KAZN: variants seen among roughly 807,000 people sequenced by gnomAD.
The protein encoded by KAZN is kazrin.
In KAZN, 40 loss-of-function variants were observed where a neutral mutation model predicts 87.4. That is an observed-to-expected ratio of 0.46 (90% confidence interval 0.36 to 0.60). KAZN has a LOEUF of 0.60. KAZN is among the 20% of genes least tolerant of loss of function. The pLI is 0.00. For synonymous variants in KAZN, 466 were observed against 458.3 expected (o/e 1.02, Z -0.22); for missense variants, 898 against 1,073.9 (o/e 0.84, Z 2.29).
intron 1 of KAZN, among the ~76,000 whole-genome samples, chr1:14,728,084 G>A (rs966484000): frequency 4.6e-5 from 7 of 151,604 alleles, no homozygotes; most frequent in Middle Eastern, 3.2e-3. Flanking sequence ...TCAGGAGTTC[G>A]AGACCAGCCT....
chr1:14,014,086 A>G (rs1640450067), intron 1 of KAZN, among the ~76,000 whole-genome samples: 2 of 151,630 alleles, frequency 1.3e-5, no homozygotes, highest in Non-Finnish European at 1.5e-5. Context: ...TAATTTTTCT[A>G]TTTCTTTCTC....
chr1:14,972,790 C>T lies in KAZN; in HGVS notation c.418+11915C>T, dbSNP rs562031907. ...GTGGCCTCCCAAAGTGCTGGGATTA[C>T]AGGCGGGAGCCGCTGTGCCTGGCCG... is the stretch of plus-strand genomic sequence containing the variant. On this transcript the variant is annotated intron_variant, in intron 2 of 14. Transcript: ENST00000376030. Among the ~76,000 whole-genome samples, 9 of 152,248 alleles carry T rather than the reference C, an allele frequency of 5.9e-5. No homozygotes were observed. In the South Asian group the frequency reaches 1.9e-3, roughly 32 times the overall value.
In KAZN at chr1:14,688,364, T is replaced by C. The variant is rs183077146; in HGVS notation, c.226+89141T>C. Among the ~76,000 whole-genome samples, 862 of 152,330 alleles carry C rather than the reference T, an allele frequency of 5.7e-3. 5 individuals are homozygous for C. Among genetic ancestry groups the C allele is most frequent in the African/African-American group, 0.02 (828 of 41,576 alleles). ...CAAGTTCTTCCAGAGGCTGCATCGA[T>C]TGTGCTCACCACCGTATTCCCTGTG... On this transcript the variant is annotated intron_variant, in intron 1 of 14. Coordinates refer to ENST00000376030, the MANE Select transcript of KAZN (RefSeq NM_201628.3).
chr1:14,476,079 A>T (rs1388686754), intron 2 of KAZN, among the ~76,000 whole-genome samples: 2 of 152,154 alleles, frequency 1.3e-5, no homozygotes, highest in African/African-American at 4.8e-5. Context: ...CATTGTGCAG[A>T]TGGGTCATCT....
intron 1 of KAZN, among the ~76,000 whole-genome samples, chr1:14,629,754 G>T (rs909435012): frequency 2.6e-5 from 4 of 152,338 alleles, no homozygotes; most frequent in African/African-American, 7.2e-5. Flanking sequence ...AGGCACTGAA[G>T]AAGGGTGTGG....
intron 2 of KAZN, among the ~76,000 whole-genome samples, chr1:14,445,393 A>G (rs1337113235): frequency 6.6e-6 from 1 of 152,186 alleles, no homozygotes; most frequent in Non-Finnish European, 1.5e-5. Context: ...TCAGCACACA[A>G]ACACACAAGC....
intron 1 of KAZN, among the ~76,000 whole-genome samples, chr1:14,003,434 A>G (rs764065808): frequency 1.3e-5 from 2 of 152,224 alleles, no homozygotes; most frequent in Non-Finnish European, 2.9e-5. Flanking sequence ...TTACACTTTT[A>G]TATAGAAAGA....
At chr1:14,527,784 T>C (rs557399594) in intron 2 of KAZN, among the ~76,000 whole-genome samples, 6 of 151,764 alleles carry the variant, frequency 4.0e-5, no homozygotes, top group Non-Finnish European at 7.4e-5. Context: ...ACTAATAGAG[T>C]GAGAACTCCC....
rs1040641443 is a variant in KAZN, at chr1:14,453,411, C to T, written c.250-145572C>T. On this transcript the variant is annotated intron_variant, in intron 2 of 16. Transcript: ENST00000636203. ...CAAGAGTACAAATTTTCAATTATTGCTTAATTAAAAACAATAACTTCAACA... is the reference window on the plus strand; with the variant it reads ...CAAGAGTACAAATTTTCAATTATTGTTTAATTAAAAACAATAACTTCAACA... 2.0e-5 allele frequency among the ~76,000 whole-genome samples: 3 copies of T among 152,190 alleles called. No homozygotes were observed. In the East Asian group the frequency reaches 5.8e-4, roughly 29 times the overall value.
chr1:14,978,248 G>GA (rs762076121), intron 2 of KAZN, among the ~76,000 whole-genome samples: 113 of 152,304 alleles, frequency 7.4e-4, no homozygotes, highest in Admixed American at 3.6e-3. Flanking sequence ...TCAGATGGGT[G>GA]AGCAACTTCA....
intron 2 of KAZN, among the ~76,000 whole-genome samples, chr1:14,436,777 C>T (rs923559050): frequency 5.3e-5 from 8 of 150,546 alleles, no homozygotes; most frequent in Admixed American, 1.3e-4. Flanking sequence ...TAGTATTATT[C>T]CCATTTTACA....
chr1:14,186,668 T>C (rs920118194), intron 2 of KAZN, among the ~76,000 whole-genome samples: 24 of 152,146 alleles, frequency 1.6e-4, no homozygotes, highest in Non-Finnish European at 2.1e-4. Flanking sequence ...ATGGATGGTC[T>C]CGCCATGACT....
At chr1:14,110,583 A>AGGAGAAAGAACTTTG (rs1328478542) in intron 1 of KAZN, among the ~76,000 whole-genome samples, 8 of 84,058 alleles carry the variant, frequency 9.5e-5, no homozygotes, top group African/African-American at 1.5e-4. Flanking sequence ...AGGAGGTTTT[A>AGGAGAAAGAACTTTG]TTTGCATGAC....
At chr1:14,084,785 C>T (rs556294428) in intron 1 of KAZN, among the ~76,000 whole-genome samples, 14 of 151,592 alleles carry the variant, frequency 9.2e-5, no homozygotes, top group East Asian at 5.9e-4. Flanking sequence ...TGTTAAATGA[C>T]GAGTTAATGG....
chr1:14,689,302 C>T (rs558665327), intron 1 of KAZN, among the ~76,000 whole-genome samples: 4 of 152,320 alleles, frequency 2.6e-5, no homozygotes, highest in African/African-American at 9.6e-5. Flanking sequence ...TTACAGAGAG[C>T]TACTCAGGGC....
intron 2 of KAZN, among the ~76,000 whole-genome samples, chr1:14,590,942 T>A (rs1341446245): frequency 6.6e-6 from 1 of 152,138 alleles, no homozygotes. Context: ...CTAGAGCCTA[T>A]GCATTGGAGC....
intron 2 of KAZN, among the ~76,000 whole-genome samples, chr1:14,269,008 C>T (rs1463376588): frequency 6.6e-6 from 1 of 152,194 alleles, no homozygotes. Flanking sequence ...ACCAGATTTG[C>T]TACCGGAGCT....
chr1:14,271,287 A>G (rs1416629), intron 2 of KAZN, among the ~76,000 whole-genome samples: 152,295 of 152,312 alleles, frequency 1, 76,139 homozygotes, highest in Middle Eastern at 1. Flanking sequence ...GAGGTTCCTG[A>G]AGGGTAGAGC....
At position 15,077,584 on chromosome 1, in the gene KAZN, CAG is replaced by C. The variant is rs1462249002; in HGVS notation, c.1222+11832_1222+11833del. On this transcript the variant is annotated intron_variant, in intron 8 of 14. Coordinates refer to ENST00000376030, the MANE Select transcript of KAZN (RefSeq NM_201628.3). The surrounding 1 kb of genome is among the most constrained non-coding windows in gnomAD (Gnocchi z 4.8). Reference sequence around the variant, plus strand: ...CCGCAAGGGCTACACAGGACCAGGTCAGCTGCTTGCAGCCACGTGACTCAGTT... The same window carrying C: ...CCGCAAGGGCTACACAGGACCAGGTCCTGCTTGCAGCCACGTGACTCAGTT... Among the ~76,000 whole-genome samples, 2 of 152,216 alleles carry C rather than the reference CAG, an allele frequency of 1.3e-5. No homozygotes were observed. The highest frequency in any genetic ancestry group is 2.9e-5 in the Non-Finnish European group (2 of 68,038).
Sources: allele counts gnomAD v4.1 joint callset (sites outside exome capture counted in the v4.1 genomes callset), GRCh38; gene constraint gnomAD v4.1.1; non-coding constraint Gnocchi (gnomAD v3.1); transcripts MANE v1.5; gene names NCBI Gene and HGNC (gene_info 2026-07-23, HGNC 2026-07-21).